The following GPR63 variants were observed in gnomAD, a reference collection of about 807,000 sequenced individuals.
GPR63 encodes the protein G protein-coupled receptor 63.
GPR63 carries 12 observed loss-of-function variants against 23.1 expected under a neutral mutation model. The observed-to-expected ratio is 0.52, with a 90% CI of 0.33 to 0.84. The LOEUF is 0.84. GPR63 is among the 40% of genes least tolerant of loss of function. GPR63 has a pLI of 0.02. For missense variants in GPR63, 472 were observed against 515.6 expected (o/e 0.92, Z 0.82); for synonymous variants, 172 against 191.1 (o/e 0.90, Z 0.82).
chr6:96,798,368 T>A lies in GPR63; in HGVS notation c.*104A>T. 8.4e-7 allele frequency: 1 copy of A among 1,192,478 alleles called. No homozygotes were observed. The allele number at this position is 1,192,478 out of a possible 1,614,324, so 73.9% of individuals were successfully genotyped here. A position where few individuals can be genotyped will look rare whatever the true frequency, so the allele number is the denominator to read the frequency against. On this transcript the variant is annotated 3_prime_UTR_variant, in exon 2 of 2. Coordinates refer to ENST00000229955, the MANE Select transcript of GPR63 (RefSeq NM_030784.4). ...TCTTTACACTGCTCACACACATACA[T>A]ACACAAACCCTATAAAAAAAAATAA... is the stretch of plus-strand genomic sequence containing the variant.
At chr6:96,811,662 T>G (rs1186340346) in intron 1 of GPR63, among the ~76,000 whole-genome samples, 1 of 152,118 alleles carries the variant, frequency 6.6e-6, no homozygotes, top group Admixed American at 6.5e-5. Flanking sequence ...ACATATAAAT[T>G]TATATTCCTT....
chr6:96,803,919 C>G (rs1040677763), intron 1 of GPR63, among the ~76,000 whole-genome samples: 1 of 152,112 alleles, frequency 6.6e-6, no homozygotes, highest in African/African-American at 2.4e-5. Context: ...ACAAATCTTC[C>G]AAGTGAGAAA....
chr6:96,798,304 T>C lies in GPR63; in HGVS notation c.*168A>G. 2 of 648,396 alleles carry C rather than the reference T, an allele frequency of 3.1e-6. No individual in the cohort carries two copies. The highest frequency in any genetic ancestry group is 5.0e-6 in the Non-Finnish European group (2 of 397,680). The allele number at this position is 648,396 out of a possible 1,614,324, so 40.2% of individuals were successfully genotyped here. On this transcript the variant is annotated 3_prime_UTR_variant, in exon 2 of 2. Coordinates refer to ENST00000229955, the MANE Select transcript of GPR63 (RefSeq NM_030784.4). The stretch of plus-strand genomic sequence containing the variant: ...GGTAATATTTGTAATCACTTTCCTA[T>C]TATTTATTCTTGGTAACAGAACTAT...
chr6:96,804,510 A>AT lies in GPR63; in HGVS notation c.-150-4630dup, dbSNP rs537306749. On this transcript the variant is annotated intron_variant, in intron 1 of 1. Coordinates refer to ENST00000229955, the MANE Select transcript of GPR63 (RefSeq NM_030784.4). Reference sequence around the variant, plus strand: ...TCATTTGCACTGTTTTGTGGGATCAATTTTTTGTTTACTCATTTTAATATT... The same window carrying AT: ...TCATTTGCACTGTTTTGTGGGATCAATTTTTTTGTTTACTCATTTTAATATT... Among the ~76,000 whole-genome samples the AT allele has an allele frequency of 2.8e-4, 42 of 152,240 alleles. 2 individuals carry two copies. In the East Asian group the frequency reaches 7.7e-3, roughly 28 times the overall value.
At chr6:96,815,185 C>T (rs1342205616) in intron 1 of GPR63, among the ~76,000 whole-genome samples, 1 of 152,188 alleles carries the variant, frequency 6.6e-6, no homozygotes, top group African/African-American at 2.4e-5. Flanking sequence ...GATAATTTAA[C>T]TTCATGTGAG....
In GPR63 at chr6:96,799,456, C is replaced by G; in HGVS notation, c.276G>C (p.Leu92=). ...CCAAGTTCCCAAGAAAAGACACAAA[C>G]AGAATGAATATCATTATAGCAGAAA... ...ITLSAIMIFI[L]FVSFLGNLVV... The change falls in exon 2 of 2, where the codon CTG becomes CTC. Residue 92 remains leucine (L), a synonymous_variant. Transcript: ENST00000229955. 6.2e-7 allele frequency: 1 copy of G among 1,614,082 alleles called. No individual in the cohort carries two copies. Among genetic ancestry groups the G allele is most frequent in the Middle Eastern group, 1.6e-4 (1 of 6,062 alleles).
At chr6:96,813,376 G>T (rs1331725806) in intron 1 of GPR63, among the ~76,000 whole-genome samples, 1 of 152,142 alleles carries the variant, frequency 6.6e-6, no homozygotes. Flanking sequence ...TTGCTGGATT[G>T]TATGGTAGTT....
Position 96,815,233 on chromosome 6 carries a change from C to T in GPR63, c.-150-15352G>A, listed in dbSNP as rs567268756. 1.2e-4 allele frequency among the ~76,000 whole-genome samples: 19 copies of T among 152,040 alleles called. No individual in the cohort carries two copies. The South Asian group carries it at 2.7e-3, about 22-fold the overall frequency. ...TATAATTCTCCTTTTAAATTTGTGG[C>T]GATTTATAAAACAGGCACTTTCTGA... is the stretch of plus-strand genomic sequence containing the variant. On this transcript the variant is annotated intron_variant, in intron 1 of 1. Coordinates refer to ENST00000229955, the MANE Select transcript of GPR63 (RefSeq NM_030784.4).
intron 1 of GPR63, among the ~76,000 whole-genome samples, chr6:96,829,203 G>A (rs1388017987): frequency 3.3e-5 from 5 of 152,128 alleles, no homozygotes; most frequent in African/African-American, 9.7e-5. Context: ...AAAGCTACAC[G>A]TGGAACACTT....
chr6:96,828,610 G>C (rs1182731736), intron 1 of GPR63, among the ~76,000 whole-genome samples: 2 of 143,210 alleles, frequency 1.4e-5, no homozygotes. Context: ...CTATCCAAAA[G>C]AAGGCAAGAA....
rs1475964368 is a variant in GPR63, at chr6:96,797,065, T to C, written c.*1407A>G. The C allele has an allele frequency of 2.6e-5, 4 of 151,352 alleles. No individual in the cohort carries two copies. Among genetic ancestry groups the C allele is most frequent in the Non-Finnish European group, 5.9e-5 (4 of 67,670 alleles). 9.4% of individuals were successfully genotyped at this position (151,352 alleles called of 1,614,324 possible). A position where few individuals can be genotyped will look rare whatever the true frequency, so the allele number is the denominator to read the frequency against. ...CTTTACAAAAGAAAATACAAAAAAA[T>C]AGCTGGGTGTGGTGGCACACACCTG... On this transcript the variant is annotated 3_prime_UTR_variant, in exon 2 of 2. Transcript: ENST00000229955.
intron 1 of GPR63, among the ~76,000 whole-genome samples, chr6:96,802,374 A>C (rs1257411407): frequency 6.6e-6 from 1 of 152,194 alleles, no homozygotes; most frequent in Non-Finnish European, 1.5e-5. Context: ...ATGGTGAGCA[A>C]ATAAATGGTT....
intron 1 of GPR63, among the ~76,000 whole-genome samples, chr6:96,800,139 C>G (rs1283887470): frequency 6.6e-6 from 1 of 152,150 alleles, no homozygotes; most frequent in East Asian, 1.9e-4. Context: ...GCCCCAAAGA[C>G]AAAAATTATA....
chr6:96,836,126 G>A (rs1361605397), intron 1 of GPR63, among the ~76,000 whole-genome samples: 1 of 152,150 alleles, frequency 6.6e-6, no homozygotes, highest in Non-Finnish European at 1.5e-5. Context: ...AACAGGAATA[G>A]AGGTGTGGCA....
chr6:96,834,475 T>A (rs1223175837), intron 1 of GPR63, among the ~76,000 whole-genome samples: 2 of 151,996 alleles, frequency 1.3e-5, no homozygotes, highest in African/African-American at 4.8e-5. Context: ...TTTTGAAAGT[T>A]GAAGAAATGC....
At chr6:96,817,769 A>C (rs1774200726) in intron 1 of GPR63, among the ~76,000 whole-genome samples, 1 of 152,118 alleles carries the variant, frequency 6.6e-6, no homozygotes, top group East Asian at 1.9e-4. Context: ...CAATTTATAT[A>C]AAATTCAAAC....
intron 1 of GPR63, among the ~76,000 whole-genome samples, chr6:96,819,286 T>C (rs1174384839): frequency 6.6e-6 from 1 of 152,136 alleles, no homozygotes; most frequent in East Asian, 1.9e-4. Flanking sequence ...CCATCAATGA[T>C]AGACTAGATA....
rs1773551165 is a variant in GPR63, at chr6:96,795,183, A to G, written c.*3289T>C. On this transcript the variant is annotated 3_prime_UTR_variant, in exon 2 of 2. Coordinates refer to ENST00000229955, the MANE Select transcript of GPR63 (RefSeq NM_030784.4). ...CAAGCTCCCTTGGGGATGCTTAAAC[A>G]TGTATTAAAGTTTAAATAATGTTAC... The G allele has an allele frequency of 6.6e-6, 1 of 152,226 alleles. No individual in the cohort carries two copies. Among genetic ancestry groups the G allele is most frequent in the South Asian group, 2.1e-4 (1 of 4,832 alleles). The allele number at this position is 152,226 out of a possible 1,614,324, so 9.4% of individuals were successfully genotyped here. A position where few individuals can be genotyped will look rare whatever the true frequency, so the allele number is the denominator to read the frequency against.
At chr6:96,819,018 CAGAT>C (rs201428611) in intron 1 of GPR63, among the ~76,000 whole-genome samples, 3,977 of 152,268 alleles carry the variant, frequency 0.026, 77 homozygotes, top group Non-Finnish European at 0.036. Flanking sequence ...CAGGAAACAA[CAGAT>C]GGATGCTGGA....
Sources: allele counts gnomAD v4.1 joint callset (sites outside exome capture counted in the v4.1 genomes callset), GRCh38; gene constraint gnomAD v4.1.1; transcripts MANE v1.5; gene names NCBI Gene and HGNC (gene_info 2026-07-23, HGNC 2026-07-21).